Variants in PSG7 observed in about 807,000 individuals in gnomAD.
PSG7 encodes pregnancy specific beta-1-glycoprotein 7.
In PSG7, 57 loss-of-function variants were observed where a neutral mutation model predicts 45.6. The ratio of observed to expected loss-of-function variants is 1.25; its 90% CI spans 1.01 to 1.56. PSG7 has a LOEUF of 1.56. Among genes scored for constraint, PSG7 ranks in the 40% most tolerant of loss-of-function variants. The pLI is 0.00. For synonymous variants in PSG7, 298 were observed against 194.4 expected, an observed-to-expected ratio of 1.53 and a Z score of -4.43; for missense variants, 796 against 508.4, an observed-to-expected ratio of 1.57 and a Z score of -5.44.
In PSG7 at chr19:42,933,284, TATATATATATATATATATATATA is replaced by T. The variant is rs1401905292; in HGVS notation, c.430+2097_430+2119del. Among the ~76,000 whole-genome samples, 15 of 8,344 alleles carry T rather than the reference TATATATATATATATATATATATA, an allele frequency of 1.8e-3. 2 individuals are homozygous for T. The highest frequency in any genetic ancestry group is 0.013 in the South Asian group (2 of 160). 5.5% of individuals were successfully genotyped at this position (8,344 alleles called of 152,430 possible). On this transcript the variant is annotated intron_variant, in intron 2 of 5. Transcript: ENST00000406070. ...CCATTTCAATATATATATATATATA[TATATATATATATATATATATATA>T]TTTTTTTTTTTTTTTGGTGTATGTA...
chr19:42,937,059 G>T lies in PSG7; in HGVS notation c.18C>A (p.Ala6=). 1 of 1,611,404 alleles carries T rather than the reference G, an allele frequency of 6.2e-7. No individual in the cohort carries two copies. Among genetic ancestry groups the T allele is most frequent in the South Asian group, 1.1e-5 (1 of 90,790 alleles). The change falls in exon 1 of 6, where the codon GCC becomes GCA. Residue 6 remains alanine (A), a synonymous_variant. Coordinates refer to ENST00000406070, the MANE Select transcript of PSG7 (RefSeq NM_002783.3). MGPLS[A]PPCTQHITWK... ...AGGTTATATGCTGTGTGCAGGGAGG[G>T]GCTGAGAGGGGCCCCATGGTCTCTG... is the stretch of plus-strand genomic sequence containing the variant.
chr19:42,935,434 C>G lies in PSG7; in HGVS notation c.400G>C (p.Val134Leu), dbSNP rs782646480. The change falls in exon 2 of 6, where the codon GTA becomes CTA. Residue 134 changes from valine (V) to leucine (L), a missense_variant. Coordinates refer to ENST00000406070, the MANE Select transcript of PSG7 (RefSeq NM_002783.3). Reference sequence around the variant, plus strand: ...AAGGTGAAGGTGAAACGTCCAGTTACTCCTCCAGTCCCATCACCTCGCTTT... The same window carrying G: ...AAGGTGAAGGTGAAACGTCCAGTTAGTCCTCCAGTCCCATCACCTCGCTTT... ...IIKRGDGTGG[V>L]TGRFTFTLYL... 1.9e-6 allele frequency: 3 copies of G among 1,612,038 alleles called. No homozygotes were observed. Among genetic ancestry groups the G allele is most frequent in the East Asian group, 2.2e-5 (1 of 44,784 alleles).
chr19:42,934,086 GGT>G (rs1313425957), intron 2 of PSG7, among the ~76,000 whole-genome samples: 1 of 151,408 alleles, frequency 6.6e-6, no homozygotes, highest in African/African-American at 2.4e-5. Context: ...GCTGGTGCAG[GGT>G]GTGAGTGGGG....
Position 42,925,647 on chromosome 19 carries a change from A to G in PSG7, c.1243+126T>C, listed in dbSNP as rs1286376647. Reference sequence around the variant, plus strand: ...GACAAATTTGGAGGGTTCAGGAGGAAAATTTGGGATTTGCTTGTGCCCATG... The same window carrying G: ...GACAAATTTGGAGGGTTCAGGAGGAGAATTTGGGATTTGCTTGTGCCCATG... On this transcript the variant is annotated intron_variant, in intron 5 of 5. Coordinates refer to ENST00000406070, the MANE Select transcript of PSG7 (RefSeq NM_002783.3). 1.9e-5 allele frequency: 30 copies of G among 1,563,004 alleles called. No individual in the cohort carries two copies. The East Asian group carries it at 2.2e-4, about 12-fold the overall frequency.
rs377421369 is a variant in PSG7, at chr19:42,926,034, G to C, written c.989-7C>G. 37 of 1,610,880 alleles carry C rather than the reference G, an allele frequency of 2.3e-5. 2 individuals are homozygous for C. The highest frequency in any genetic ancestry group is 3.3e-4 in the Middle Eastern group (2 of 6,050). ...CTGGGGAGGTCTGGACCATCTGGAG[G>C]AAAGAGAATAAAGCCACAGGTGATG... On this transcript the variant is annotated splice_region_variant and splice_polypyrimidine_tract_variant and intron_variant, in intron 4 of 5. Transcript: ENST00000406070.
rs372901622 is a variant in PSG7 at position 42,925,867 on chromosome 19, C to T, written c.1149G>A (p.Gln383=). 4.3e-6 allele frequency: 7 copies of T among 1,612,004 alleles called. No individual in the cohort carries two copies. Among genetic ancestry groups the T allele is most frequent in the Admixed American group, 1.7e-5 (1 of 59,866 alleles). The change falls in exon 5 of 6, where the codon CAG becomes CAA. Residue 383 remains glutamine, a synonymous_variant. Transcript: ENST00000406070. ...AGAGCCCGCTATGCTTTGTAGTAAT[C>T]TGGGGGATAGAAAGCTTTTGTCCTG... ...QLSGQKLSIP[Q]ITTKHSGLYA... is the part of the protein sequence containing the mutation.
chr19:42,931,128 A>G (rs1279613361), intron 2 of PSG7, among the ~76,000 whole-genome samples: 1 of 151,620 alleles, frequency 6.6e-6, no homozygotes, highest in South Asian at 2.1e-4. Context: ...AAATGTTGTC[A>G]GGAGTTTAGA....
At chr19:42,928,171 A>G (rs1972935973) in intron 3 of PSG7, among the ~76,000 whole-genome samples, 1 of 151,560 alleles carries the variant, frequency 6.6e-6, no homozygotes, top group Admixed American at 6.6e-5. Flanking sequence ...ATGCCTTGGC[A>G]TGTGAGAAAG....
chr19:42,924,876 A>T lies in PSG7; in HGVS notation c.1244-52T>A, dbSNP rs1056344175. 13 of 764,202 alleles carry T rather than the reference A, an allele frequency of 1.7e-5. No individual in the cohort carries two copies. In the African/African-American group the frequency reaches 2.0e-4, roughly 12 times the overall value. 47.3% of individuals were successfully genotyped at this position (764,202 alleles called of 1,614,324 possible). On this transcript the variant is annotated intron_variant, in intron 5 of 5. Transcript: ENST00000406070. Reference sequence around the variant, plus strand: ...ACAATGAACAGAGCTGCAATCTCATAACAGGTGTACTACGGTTTTATTTTC... The same window carrying T: ...ACAATGAACAGAGCTGCAATCTCATTACAGGTGTACTACGGTTTTATTTTC...
intron 2 of PSG7, among the ~76,000 whole-genome samples, chr19:42,931,301 T>C (rs1453604799): frequency 6.6e-6 from 1 of 151,442 alleles, no homozygotes; most frequent in Non-Finnish European, 1.5e-5. Flanking sequence ...GTGCCGTGAA[T>C]TCCAGCAGGA....
chr19:42,930,421 G>C (rs61525132), intron 2 of PSG7, among the ~76,000 whole-genome samples: 20,033 of 151,434 alleles, frequency 0.13, 1,777 homozygotes, highest in Admixed American at 0.18. Flanking sequence ...GAGCTGATAG[G>C]TTTGGCCCAA....
rs745396622 is a variant in PSG7 at position 42,929,528 on chromosome 19, G to C, written c.623C>G (p.Thr208Arg). Residue 208 changes from threonine to arginine, a missense_variant, in exon 3 of 6, where the codon ACA becomes AGA. By Grantham distance (71) the Thr-to-Arg change is moderately conservative. Coordinates refer to ENST00000406070, the MANE Select transcript of PSG7 (RefSeq NM_002783.3). ...TNRTLYLFGV[T>R]NYTAGPYECE... ...TTCATAGGGTCCTGCAGTATAGTTT[G>C]TGACACCAAATAGGTAGAGGGTCCT... 6.2e-7 allele frequency: 1 copy of C among 1,612,662 alleles called. No homozygotes were observed. Among genetic ancestry groups the C allele is most frequent in the East Asian group, 2.2e-5 (1 of 44,806 alleles).
At chr19:42,928,206 G>C (rs372395118) in intron 3 of PSG7, among the ~76,000 whole-genome samples, 20 of 151,710 alleles carry the variant, frequency 1.3e-4, no homozygotes, top group East Asian at 3.9e-4. Context: ...TCTATGTCAT[G>C]AGAACTTTCC....
At position 42,924,346 on chromosome 19, in the gene PSG7, G is replaced by T; in HGVS notation, c.*462C>A. 2 of 410,764 alleles carry T rather than the reference G, an allele frequency of 4.9e-6. No individual in the cohort carries two copies. Among genetic ancestry groups the T allele is most frequent in the Non-Finnish European group, 8.6e-6 (2 of 233,712 alleles). 25.4% of individuals were successfully genotyped at this position (410,764 alleles called of 1,614,324 possible). On this transcript the variant is annotated 3_prime_UTR_variant, in exon 6 of 6. Coordinates refer to ENST00000406070, the MANE Select transcript of PSG7 (RefSeq NM_002783.3). ...TTCATTTCTATTGGGAGCCCTGTAT[G>T]CAAGATGGAGAGAGCCACATTTCCT... is the stretch of plus-strand genomic sequence containing the variant.
chr19:42,929,819 C>A (rs1283272133), intron 2 of PSG7, 99 bp from the exon 3 acceptor site: 1 of 1,484,138 alleles, frequency 6.7e-7, no homozygotes, highest in Non-Finnish European at 9.1e-7. Context: ...TCTCAGCCCA[C>A]CCAAGTCCTT....
At chr19:42,936,702 C>T (rs1401778272) in intron 1 of PSG7, among the ~76,000 whole-genome samples, 1 of 151,214 alleles carries the variant, frequency 6.6e-6, no homozygotes, top group Non-Finnish European at 1.5e-5. Flanking sequence ...GGCTGGCATG[C>T]AGTGGTGCTA....
chr19:42,935,879 C>CTTCAATCCTCAGTG, intron 1 of PSG7, 110 bp from the exon 2 acceptor site: 1 of 547,450 alleles, frequency 1.8e-6, no homozygotes, highest in Non-Finnish European at 2.5e-6. Flanking sequence ...TGAAGACACA[C>CTTCAATCCTCAGTG]ACACACACAC....
rs569918513 is a variant in PSG7, at chr19:42,929,733, C to G, written c.431-13G>C. The G allele has an allele frequency of 6.5e-5, 105 of 1,609,012 alleles. 5 individuals carry two copies. In the South Asian group the frequency reaches 7.5e-4, roughly 12 times the overall value. On this transcript the variant is annotated splice_polypyrimidine_tract_variant and intron_variant, in intron 2 of 5. Coordinates refer to ENST00000406070, the MANE Select transcript of PSG7 (RefSeq NM_002783.3). ...TTGGGAGTCTCCACTGTGCGGAAAA[C>G]AGAGAGAAGATTGCCCTGTGTGGCA... is the stretch of plus-strand genomic sequence containing the variant.
At chr19:42,927,520 T>C (rs540732018) in intron 3 of PSG7, 1 of 151,678 alleles carries the variant, frequency 6.6e-6, no homozygotes, top group Admixed American at 6.6e-5. Context: ...CAGAAATACA[T>C]GTGGACATTT....
Sources: allele counts gnomAD v4.1 joint callset (sites outside exome capture counted in the v4.1 genomes callset), GRCh38; gene constraint gnomAD v4.1.1; transcripts MANE v1.5; gene names NCBI Gene and HGNC (gene_info 2026-07-23, HGNC 2026-07-21).